STK36: variants seen among roughly 807,000 people sequenced by gnomAD.
STK36 encodes the protein serine/threonine kinase 36.
A neutral mutation model predicts 142.2 loss-of-function variants in STK36; 116 were observed. That is an observed-to-expected ratio of 0.82 (90% CI 0.70 to 0.95). The LOEUF (loss-of-function observed/expected upper bound fraction) is 0.95, where lower values mean the gene tolerates loss of function less well. Among genes scored for constraint, STK36 ranks in the 40% least tolerant of loss-of-function variants. STK36 has a pLI of 0.00. For synonymous variants in STK36, 619 were observed against 641.7 expected, an observed-to-expected ratio of 0.96 and a Z score of 0.53; for missense variants, 1,422 against 1,617.2, an observed-to-expected ratio of 0.88 and a Z score of 2.07.
rs1032173706 is a variant in STK36, at chr2:218,694,816, T to C, written c.2511+181T>C. 2.0e-5 allele frequency among the ~76,000 whole-genome samples: 3 copies of C among 152,222 alleles called. No homozygotes were observed. The highest frequency in any genetic ancestry group is 6.5e-5 in the Admixed American group (1 of 15,284). ...ATGATAGGCCCCTCTGAGCCCAGAT[T>C]GATCTGGACTTTAGATTTCTTTTTA... On this transcript the variant is annotated intron_variant, in intron 21 of 26. Coordinates refer to ENST00000295709, the MANE Select transcript of STK36 (RefSeq NM_015690.5). The surrounding 1 kb of genome is among the most constrained non-coding windows in gnomAD (Gnocchi z 4.4).
intron 10 of STK36, among the ~76,000 whole-genome samples, chr2:218,682,775 TAGAG>T (rs1940584612): frequency 6.6e-6 from 1 of 152,056 alleles, no homozygotes; most frequent in Admixed American, 6.6e-5. Context: ...TGTGTTTTTT[TAGAG>T]AGAAGGTTTC....
chr2:218,689,855 G>A lies in STK36; in HGVS notation c.1561-4G>A, dbSNP rs140840777. 2.6e-5 allele frequency: 41 copies of A among 1,607,654 alleles called. No individual in the cohort carries two copies. The African/African-American group carries it at 5.1e-4, about 20-fold the overall frequency. ...CCTTACTCTCTTCTCCTTTTCCTGG[G>A]CAGCAATCTTGGTATGGGACCTTCT... On this transcript the variant is annotated splice_polypyrimidine_tract_variant and splice_region_variant and intron_variant, in intron 12 of 26. Transcript: ENST00000295709.
Position 218,692,302 on chromosome 2 carries a change from A to C in STK36, c.1915+9A>C. 6.2e-7 allele frequency: 1 copy of C among 1,613,972 alleles called. No homozygotes were observed. The highest frequency in any genetic ancestry group is 2.2e-5 in the East Asian group (1 of 44,874). On this transcript the variant is annotated intron_variant, in intron 15 of 26. Coordinates refer to ENST00000295709, the MANE Select transcript of STK36 (RefSeq NM_015690.5). ...TGTCCACACTCCCCAAGGTAACCAGAGTGGAGAAGGGAGGTTCTCTTGACT... is the reference window on the plus strand; with the variant it reads ...TGTCCACACTCCCCAAGGTAACCAGCGTGGAGAAGGGAGGTTCTCTTGACT...
chr2:218,676,844 G>A (rs1432752811), intron 6 of STK36, among the ~76,000 whole-genome samples: 1 of 151,806 alleles, frequency 6.6e-6, no homozygotes, highest in Admixed American at 6.6e-5. Context: ...TAGAGACGGG[G>A]TTTCACCGTG....
At chr2:218,691,732 A>G (rs1166031187) in intron 14 of STK36, among the ~76,000 whole-genome samples, 1 of 151,338 alleles carries the variant, frequency 6.6e-6, no homozygotes, top group African/African-American at 2.4e-5. Flanking sequence ...TTTTTTTTGG[A>G]TTTTTAGTAG....
At chr2:218,684,846 C>T (rs1160298463) in intron 10 of STK36, 6 of 408,162 alleles carry the variant, frequency 1.5e-5, no homozygotes, top group African/African-American at 4.0e-5. Context: ...CTGCAGCGGA[C>T]GTCTTTCTAG....
rs1365811077 is a variant in STK36, at chr2:218,689,900, G to A, written c.1602G>A (p.Val534=). ...YGTFLQDLMA[V]IQAYFACTFN... ...CCTTCTTACAGGACCTGATGGCTGT[G>A]ATTCAGGCCTACTTTGCCTGTACCT... Residue 534 remains valine (V), a synonymous_variant, in exon 13 of 27, where the codon GTG becomes GTA. Coordinates refer to ENST00000295709, the MANE Select transcript of STK36 (RefSeq NM_015690.5). The A allele has an allele frequency of 5.0e-6, 8 of 1,608,834 alleles. No individual in the cohort carries two copies. Among genetic ancestry groups the A allele is most frequent in the African/African-American group, 1.3e-5 (1 of 74,862 alleles).
rs1371480364 is a variant in STK36, at chr2:218,697,461, A to G, written c.2762-2A>G. 20 of 1,613,662 alleles carry G rather than the reference A, an allele frequency of 1.2e-5. No homozygotes were observed. In the East Asian group the frequency reaches 4.5e-4, roughly 36 times the overall value. On this transcript the variant is annotated splice_acceptor_variant, in intron 23 of 26. Coordinates refer to ENST00000295709, the MANE Select transcript of STK36 (RefSeq NM_015690.5). LOFTEE classifies it high-confidence loss of function. ...TTGGGTCTCCATTTTTGGTGTTACC[A>G]GGCATGGCAGCCCTGCTGAGCCTGG... is the stretch of plus-strand genomic sequence containing the variant.
intron 21 of STK36, among the ~76,000 whole-genome samples, 157 bp from the exon 22 acceptor site, chr2:218,696,370 T>G (rs1349554098): frequency 6.6e-6 from 1 of 152,142 alleles, no homozygotes; most frequent in African/African-American, 2.4e-5. Flanking sequence ...TTCCCCATTA[T>G]TCCCCCACCG....
intron 6 of STK36, among the ~76,000 whole-genome samples, chr2:218,678,885 C>T (rs552494090): frequency 1.3e-5 from 2 of 152,262 alleles, no homozygotes; most frequent in East Asian, 1.9e-4. Flanking sequence ...GTTTTTTCTC[C>T]CTTCTTTACA....
intron 22 of STK36, 185 bp downstream of exon 22, chr2:218,696,786 G>A: frequency 1.1e-6 from 1 of 901,104 alleles, no homozygotes; most frequent in Non-Finnish European, 1.8e-6. Flanking sequence ...ACCATTCGCT[G>A]CGTCCCCTGG....
chr2:218,694,374 ACC>A lies in STK36; in HGVS notation c.2400+50_2400+51del, dbSNP rs1941142996. The A allele has an allele frequency of 3.2e-6, 5 of 1,575,310 alleles. No individual in the cohort carries two copies. The South Asian group carries it at 5.5e-5, about 17-fold the overall frequency. On this transcript the variant is annotated intron_variant, in intron 20 of 26. Coordinates refer to ENST00000295709, the MANE Select transcript of STK36 (RefSeq NM_015690.5). The surrounding 1 kb of genome is among the most constrained non-coding windows in gnomAD (Gnocchi z 4.4). ...TCCTCCCCTTTTCACCCTAGCATCTACCCCTTGTGGAAGTGGGGGAGTCACTA... is the reference window on the plus strand; with the variant it reads ...TCCTCCCCTTTTCACCCTAGCATCTACCTTGTGGAAGTGGGGGAGTCACTA...
At chr2:218,680,522 G>A in intron 9 of STK36, 81 bp from the exon 10 acceptor site, 1 of 1,142,588 alleles carries the variant, frequency 8.8e-7, no homozygotes, top group Non-Finnish European at 1.3e-6. Flanking sequence ...TCTTATCCTG[G>A]GTCTACAGAG....
chr2:218,674,026 C>A, intron 4 of STK36, 70 bp downstream of exon 4: 2 of 1,442,806 alleles, frequency 1.4e-6, no homozygotes, highest in Admixed American at 1.9e-5. Flanking sequence ...GTAGAGCAAG[C>A]TAAGGACACT....
At chr2:218,690,752 G>A (rs1257425356) in intron 14 of STK36, among the ~76,000 whole-genome samples, 197 bp downstream of exon 14, 1 of 152,220 alleles carries the variant, frequency 6.6e-6, no homozygotes, top group Non-Finnish European at 1.5e-5. Context: ...TAGGGGAGAG[G>A]TAAAGGGATT....
In STK36 at chr2:218,680,613, A is replaced by G. The variant is rs1421301672; in HGVS notation, c.1147A>G (p.Thr383Ala). Residue 383 changes from threonine to alanine, a missense_variant, in exon 10 of 27, where the codon ACC (threonine) becomes GCC (alanine). Transcript: ENST00000295709. The stretch of plus-strand genomic sequence containing the variant: ...GGCTTCCTCCGGCAGGGAAAACCGG[A>G]CCACCCCAGATTGTGAACGAGCATT... ...EVPSAPRENRTTPDCERAFPE... is the reference protein window; with the variant it reads ...EVPSAPRENRATPDCERAFPE... 2 of 1,613,114 alleles carry G rather than the reference A, an allele frequency of 1.2e-6. No individual in the cohort carries two copies. Among genetic ancestry groups the G allele is most frequent in the South Asian group, 2.2e-5 (2 of 90,696 alleles).
chr2:218,693,676 C>G, intron 17 of STK36, 47 bp from the exon 18 acceptor site: 4 of 1,562,648 alleles, frequency 2.6e-6, no homozygotes, highest in Non-Finnish European at 3.5e-6. Flanking sequence ...ATCTTGGAGC[C>G]CGGGGCCTGC....
At chr2:218,681,066 A>G (rs2912737) in intron 10 of STK36, among the ~76,000 whole-genome samples, 82,484 of 151,512 alleles carry the variant, frequency 0.54, 25,537 homozygotes, top group African/African-American at 0.85. Context: ...GTTTTACATC[A>G]TACCTCCTTC....
At chr2:218,684,817 A>G (rs1940705587) in intron 10 of STK36, 1 of 330,538 alleles carries the variant, frequency 3.0e-6, no homozygotes, top group East Asian at 4.9e-5. Context: ...TTTCCTTTTT[A>G]AAATTATTAC....
Sources: allele counts gnomAD v4.1 joint callset (sites outside exome capture counted in the v4.1 genomes callset), GRCh38; gene constraint gnomAD v4.1.1; non-coding constraint Gnocchi (gnomAD v3.1); transcripts MANE v1.5; gene names NCBI Gene and HGNC (gene_info 2026-07-23, HGNC 2026-07-21).